The following SLC9A8 variants were observed in gnomAD, a reference collection of about 807,000 sequenced individuals.
SLC9A8 encodes sodium/hydrogen exchanger 8.
A neutral mutation model predicts 66.6 loss-of-function variants in SLC9A8; 48 were observed. That is an observed-to-expected ratio of 0.72 (90% CI 0.57 to 0.92). SLC9A8 has a LOEUF of 0.92. Among genes scored for constraint, SLC9A8 ranks in the 40% least tolerant of loss-of-function variants. The pLI is 0.00. For missense variants in SLC9A8, 599 were observed against 747.3 expected, an observed-to-expected ratio of 0.80 and a Z score of 2.31; for synonymous variants, 274 against 282.6, an observed-to-expected ratio of 0.97 and a Z score of 0.31.
At chr20:49,823,286 A>G in intron 3 of SLC9A8, 145 bp downstream of exon 3, 1 of 716,232 alleles carries the variant, frequency 1.4e-6, no homozygotes, top group Non-Finnish European at 2.5e-6. Flanking sequence ...TAAGGGTGCT[A>G]TGATCCCATT....
chr20:49,886,610 C>CT lies in SLC9A8; in HGVS notation c.1492-141dup, dbSNP rs2089900834. On this transcript the variant is annotated intron_variant, in intron 14 of 15. Transcript: ENST00000361573. The surrounding 1 kb of genome is among the most constrained non-coding windows in gnomAD (Gnocchi z 4.8). ...TCCCTGCAGGCTCCCAGGAGGCCGTCTGCTGCCCGTCACCCTGCATTGATG... is the reference window on the plus strand; with the variant it reads ...TCCCTGCAGGCTCCCAGGAGGCCGTCTTGCTGCCCGTCACCCTGCATTGATG... The CT allele has an allele frequency of 1.0e-6, 1 of 993,258 alleles. No homozygotes were observed. Among genetic ancestry groups the CT allele is most frequent in the Non-Finnish European group, 1.5e-6 (1 of 682,178 alleles). The allele number at this position is 993,258 out of a possible 1,614,324, so 61.5% of individuals were successfully genotyped here. A position where few individuals can be genotyped will look rare whatever the true frequency, so the allele number is the denominator to read the frequency against.
chr20:49,830,733 A>T, intron 3 of SLC9A8: 1 of 724,884 alleles, frequency 1.4e-6, no homozygotes, highest in Non-Finnish European at 2.5e-6. Flanking sequence ...CGCAGCCAAG[A>T]TGATGCTGAT....
intron 14 of SLC9A8, chr20:49,884,289 G>GACACACACACACACACACGAC (rs2089790351): frequency 2.7e-5 from 1 of 36,862 alleles, no homozygotes; most frequent in African/African-American, 2.2e-4. Context: ...ACACACACAC[G>GACACACACACACACACACGAC]ACACACACAC....
At chr20:49,876,312 CA>C (rs1568870424) in intron 11 of SLC9A8, among the ~76,000 whole-genome samples, 1 of 152,272 alleles carries the variant, frequency 6.6e-6, no homozygotes, top group Non-Finnish European at 1.5e-5. Flanking sequence ...ATCGTCCATC[CA>C]AAAAGATTCT....
chr20:49,853,253 C>T (rs1264477453), intron 7 of SLC9A8, among the ~76,000 whole-genome samples: 1 of 152,200 alleles, frequency 6.6e-6, no homozygotes, highest in Non-Finnish European at 1.5e-5. Context: ...AAGCTGTCCT[C>T]CTGCCTCAGC....
At chr20:49,854,293 T>C (rs2088373806) in intron 7 of SLC9A8, among the ~76,000 whole-genome samples, 2 of 152,090 alleles carry the variant, frequency 1.3e-5, no homozygotes, top group Non-Finnish European at 1.5e-5. Flanking sequence ...GCCAGCCTCT[T>C]ATGGCTCCTG....
In SLC9A8 at chr20:49,890,685, G is replaced by C. The variant is rs2090021607; in HGVS notation, c.*2749G>C. On this transcript the variant is annotated 3_prime_UTR_variant, in exon 16 of 16. Transcript: ENST00000361573. ...AAAGGGCTGGCTTCTAGGTCCCCGA[G>C]ATAAGTGTGCAGGGGGATGGGCCAG... is the stretch of plus-strand genomic sequence containing the variant. 6.6e-6 allele frequency: 1 copy of C among 152,402 alleles called. No individual in the cohort carries two copies. The highest frequency in any genetic ancestry group is 2.4e-5 in the African/African-American group (1 of 41,432). 9.4% of individuals were successfully genotyped at this position (152,402 alleles called of 1,614,324 possible).
chr20:49,827,793 G>T (rs1303024750), intron 3 of SLC9A8, among the ~76,000 whole-genome samples: 1 of 151,924 alleles, frequency 6.6e-6, no homozygotes, highest in African/African-American at 2.4e-5. Context: ...CCAAAGTTTA[G>T]CCTTAATACT....
chr20:49,846,757 T>TA (rs1829866464), intron 5 of SLC9A8, among the ~76,000 whole-genome samples: 1 of 151,814 alleles, frequency 6.6e-6, no homozygotes, highest in Non-Finnish European at 1.5e-5. Flanking sequence ...CTACTAAACA[T>TA]ACAAAAATTA....
chr20:49,828,790 G>T (rs529521071), intron 3 of SLC9A8, among the ~76,000 whole-genome samples: 2 of 151,776 alleles, frequency 1.3e-5, no homozygotes, highest in Admixed American at 1.3e-4. Flanking sequence ...AGTGAGCCAA[G>T]ATTGTGCCAC....
Position 49,849,520 on chromosome 20 carries a change from C to T in SLC9A8, c.433-59C>T, listed in dbSNP as rs2088158212. On this transcript the variant is annotated intron_variant, in intron 5 of 15. Coordinates refer to ENST00000361573, the MANE Select transcript of SLC9A8 (RefSeq NM_015266.3). ...CGGAGGGCCAGGTGTGCAGGCCGTG[C>T]CTTCACTGACAGGAATGGCTTTTCT... is the stretch of plus-strand genomic sequence containing the variant. The T allele has an allele frequency of 6.0e-6, 8 of 1,330,432 alleles. No homozygotes were observed. The Admixed American group carries it at 6.9e-5, about 12-fold the overall frequency. 82.4% of individuals were successfully genotyped at this position (1,330,432 alleles called of 1,614,324 possible).
chr20:49,880,961 C>T lies in SLC9A8; in HGVS notation c.1196C>T (p.Pro399Leu). 1 of 1,613,962 alleles carries T rather than the reference C, an allele frequency of 6.2e-7. No individual in the cohort carries two copies. The highest frequency in any genetic ancestry group is 8.5e-7 in the Non-Finnish European group (1 of 1,179,818). Reference sequence around the variant, plus strand: ...TTTGGCAGAGCGGTAAACATTTTCCCTCTTTCCTACCTCCTGAATTTCTTC... The same window carrying T: ...TTTGGCAGAGCGGTAAACATTTTCCTTCTTTCCTACCTCCTGAATTTCTTC... ...VLFGRAVNIF[P>L]LSYLLNFFRD... Residue 399 changes from proline (P) to leucine (L), a missense_variant, in exon 13 of 16, where the codon CCT becomes CTT. This residue lies in a region of SLC9A8 where 467 missense variants were observed against 626.5 expected (regional missense o/e 0.75). Transcript: ENST00000361573.
intron 7 of SLC9A8, among the ~76,000 whole-genome samples, chr20:49,851,574 G>A (rs1205421889): frequency 6.6e-6 from 1 of 152,208 alleles, no homozygotes; most frequent in Non-Finnish European, 1.5e-5. Context: ...TTCGTCCCCA[G>A]ATCCTTGCCA....
intron 3 of SLC9A8, among the ~76,000 whole-genome samples, chr20:49,838,880 G>A (rs1463524443): frequency 6.6e-6 from 1 of 152,112 alleles, no homozygotes; most frequent in African/African-American, 2.4e-5. Context: ...TGGTGATTCT[G>A]GTGAACCAAC....
intron 13 of SLC9A8, 102 bp downstream of exon 13, chr20:49,881,137 C>G: frequency 1.3e-6 from 1 of 788,146 alleles, no homozygotes; most frequent in East Asian, 2.5e-5. Flanking sequence ...GGCAAAACCA[C>G]AAGTAATCAA....
At chr20:49,823,669 G>A (rs990119947) in intron 3 of SLC9A8, among the ~76,000 whole-genome samples, 1 of 152,092 alleles carries the variant, frequency 6.6e-6, no homozygotes, top group Non-Finnish European at 1.5e-5. Flanking sequence ...AGATCTAGTT[G>A]CAGTGAATGA....
At chr20:49,885,301 G>A (rs1003108758) in intron 14 of SLC9A8, among the ~76,000 whole-genome samples, 17 of 152,188 alleles carry the variant, frequency 1.1e-4, no homozygotes, top group Non-Finnish European at 8.8e-5. Context: ...CATAGGTATG[G>A]TATGGGGTCC....
At chr20:49,875,735 T>C (rs2089400578) in intron 11 of SLC9A8, among the ~76,000 whole-genome samples, 1 of 151,934 alleles carries the variant, frequency 6.6e-6, no homozygotes, top group African/African-American at 2.4e-5. Flanking sequence ...TTTGAGGGAC[T>C]TGTCTCTTTT....
chr20:49,830,706 C>T lies in SLC9A8; in HGVS notation c.289+7565C>T. On this transcript the variant is annotated intron_variant, in intron 3 of 15. Coordinates refer to ENST00000361573, the MANE Select transcript of SLC9A8 (RefSeq NM_015266.3). ...GGCGATAGGGAAGACCTCCTCCTTC[C>T]TAGGTGAAGTTGGCAACGCAGCCAA... 8.7e-6 allele frequency: 6 copies of T among 687,958 alleles called. No individual in the cohort carries two copies. In the South Asian group the frequency reaches 9.5e-5, roughly 11 times the overall value. The allele number at this position is 687,958 out of a possible 1,614,324, so 42.6% of individuals were successfully genotyped here.
Sources: gnomAD v4.1 joint callset for allele counts (sites outside exome capture counted in the v4.1 genomes callset) on GRCh38, gnomAD v4.1.1 for gene constraint, gnomAD v4.1.1 regional missense constraint, Gnocchi (gnomAD v3.1) non-coding constraint, MANE v1.5 for transcripts, NCBI Gene and HGNC (gene_info 2026-07-23, HGNC 2026-07-21) for gene names.